FRMPD3: variants seen among roughly 807,000 people sequenced by gnomAD.
FRMPD3 encodes FERM and PDZ domain containing 3, also known as FERM and PDZ domain-containing protein 3.
In FRMPD3, 42 loss-of-function variants were observed where a neutral mutation model predicts 97.9. That is an observed-to-expected ratio of 0.43 (90% confidence interval 0.34 to 0.55). The LOEUF (loss-of-function observed/expected upper bound fraction) is 0.55, where lower values mean the gene tolerates loss of function less well. Among genes scored for constraint, FRMPD3 ranks in the 20% least tolerant of loss-of-function variants. The pLI is 0.03. For synonymous variants in FRMPD3, 577 were observed against 581.1 expected (o/e 0.99, Z 0.10); for missense variants, 1,303 against 1,457.7 (o/e 0.89, Z 1.73).
chrX:107,456,002 A>G (rs1367817634), intron 1 of FRMPD3, among the ~76,000 whole-genome samples: 2 of 111,486 alleles, frequency 1.8e-5, no homozygotes, highest in Admixed American at 1.9e-4. Flanking sequence ...GTCATAGAGA[A>G]ATAGGGCAGG....
At chrX:107,454,297 C>T (rs112414392) in intron 1 of FRMPD3, among the ~76,000 whole-genome samples, 2,014 of 111,363 alleles carry the variant, frequency 0.018, 18 homozygotes, top group Non-Finnish European at 0.029. Flanking sequence ...TGCATGGCTT[C>T]CCTTCTCACC....
chrX:107,578,175 C>T (rs183539733), intron 13 of FRMPD3, among the ~76,000 whole-genome samples: 2 of 111,988 alleles, frequency 1.8e-5, no homozygotes, highest in Non-Finnish European at 3.8e-5. Flanking sequence ...AAGTGAAGAA[C>T]CTGGAGCCCA....
At chrX:107,524,604 TTCTC>T (rs1167515691) in intron 1 of FRMPD3, among the ~76,000 whole-genome samples, 2 of 112,496 alleles carry the variant, frequency 1.8e-5, no homozygotes, top group Admixed American at 9.4e-5. Flanking sequence ...GTCCTAAAGC[TTCTC>T]TCTATTACTG....
At chrX:107,569,494 G>A (rs1368596138) in intron 12 of FRMPD3, among the ~76,000 whole-genome samples, 1 of 109,760 alleles carries the variant, frequency 9.1e-6, no homozygotes, top group Non-Finnish European at 1.9e-5. Context: ...AATTGGGAGA[G>A]CAGGGTTGGG....
At chrX:107,460,944 G>C (rs969637813) in intron 1 of FRMPD3, among the ~76,000 whole-genome samples, 3 of 111,647 alleles carry the variant, frequency 2.7e-5, no homozygotes, top group African/African-American at 9.8e-5. Flanking sequence ...AATATGTAGA[G>C]AAATCACTCA....
intron 12 of FRMPD3, among the ~76,000 whole-genome samples, chrX:107,567,358 A>T (rs1464747609): frequency 5.3e-5 from 6 of 112,157 alleles, no homozygotes; most frequent in Non-Finnish European, 1.1e-4. Flanking sequence ...TAAGTACTCA[A>T]TGAATGAGAC....
At chrX:107,582,433 G>C (rs1485845253) in intron 13 of FRMPD3, among the ~76,000 whole-genome samples, 1 of 111,861 alleles carries the variant, frequency 8.9e-6, no homozygotes, top group East Asian at 2.8e-4. Context: ...TGACCCACCC[G>C]CCTTGACCTC....
At chrX:107,482,729 C>T (rs777307927) in intron 1 of FRMPD3, among the ~76,000 whole-genome samples, 2 of 112,183 alleles carry the variant, frequency 1.8e-5, no homozygotes, top group East Asian at 2.8e-4. Flanking sequence ...AGAGCAGAGT[C>T]ACCAAAGAGT....
chrX:107,510,073 CA>C (rs754282196), intron 1 of FRMPD3, among the ~76,000 whole-genome samples: 14 of 110,949 alleles, frequency 1.3e-4, no homozygotes, highest in Non-Finnish European at 2.5e-4. Context: ...CAGAGAGCCC[CA>C]GCTCTGTGGA....
Position 107,600,489 on chromosome X carries a change from G to C in FRMPD3, c.2450G>C (p.Arg817Pro). The C allele has an allele frequency of 8.3e-7, 1 of 1,210,682 alleles. No individual in the cohort carries two copies. Among genetic ancestry groups the C allele is most frequent in the Non-Finnish European group, 1.1e-6 (1 of 895,302 alleles). ...SLLARKDLPF[R>P]IQSCAAQAVL... is the part of the protein sequence containing the mutation. ...CTTGCCCGCAAGGACCTGCCCTTCC[G>C]GATCCAGAGCTGTGCAGCCCAGGCC... The change falls in exon 15 of 15, where the codon CGG (arginine) becomes CCG (proline). Residue 817 changes from arginine (R) to proline (P), a missense_variant. Physicochemically the swap from Arg to Pro is moderately radical, Grantham distance 103. Coordinates refer to ENST00000683843, the MANE Select transcript of FRMPD3 (RefSeq NM_001388459.1).
intron 2 of FRMPD3, 69 bp from the exon 3 acceptor site, chrX:107,530,340 G>T: frequency 1.2e-6 from 1 of 845,404 alleles, no homozygotes; most frequent in Admixed American, 2.6e-5. Flanking sequence ...AGGCACAGGG[G>T]ACTTGCCCAG....
chrX:107,478,097 G>A (rs976534746), intron 1 of FRMPD3, among the ~76,000 whole-genome samples: 1 of 111,746 alleles, frequency 8.9e-6, no homozygotes, highest in Non-Finnish European at 1.9e-5. Flanking sequence ...CACAGACTAT[G>A]GTTAGAGCTA....
At chrX:107,518,932 C>G (rs1922425519) in intron 1 of FRMPD3, among the ~76,000 whole-genome samples, 1 of 112,253 alleles carries the variant, frequency 8.9e-6, no homozygotes, top group Non-Finnish European at 1.9e-5. Context: ...TATGGATGAA[C>G]CTTGAAGACA....
chrX:107,501,112 T>C (rs1173459389), intron 1 of FRMPD3, among the ~76,000 whole-genome samples: 2 of 110,221 alleles, frequency 1.8e-5, no homozygotes, highest in Non-Finnish European at 3.8e-5. Context: ...AGCATGTGCA[T>C]ATGGGGAGAG....
chrX:107,594,751 C>T (rs1051092757), intron 13 of FRMPD3, among the ~76,000 whole-genome samples: 4 of 111,261 alleles, frequency 3.6e-5, no homozygotes, highest in African/African-American at 1.3e-4. Flanking sequence ...CATGGTGGCA[C>T]ATGCTTATAA....
At chrX:107,552,399 G>T (rs935174291) in intron 6 of FRMPD3, among the ~76,000 whole-genome samples, 2 of 112,276 alleles carry the variant, frequency 1.8e-5, no homozygotes, top group Non-Finnish European at 3.8e-5. Flanking sequence ...ATCCCAAGTG[G>T]ATATTCTGAC....
At chrX:107,480,905 A>AAAGAAAGAAAGAAAGG (rs1921342715) in intron 1 of FRMPD3, among the ~76,000 whole-genome samples, 2 of 84,428 alleles carry the variant, frequency 2.4e-5, no homozygotes, top group African/African-American at 1.0e-4. Context: ...GGAAAGAAAG[A>AAAGAAAGAAAGAAAGG]AAGAAAGAAA....
intron 1 of FRMPD3, among the ~76,000 whole-genome samples, chrX:107,474,618 T>C (rs1000265884): frequency 1.8e-5 from 2 of 111,139 alleles, no homozygotes; most frequent in African/African-American, 6.6e-5. Flanking sequence ...CTCTGAAAAC[T>C]CCCTTTGCCA....
At chrX:107,499,182 G>A (rs992465634) in intron 1 of FRMPD3, among the ~76,000 whole-genome samples, 15 of 111,862 alleles carry the variant, frequency 1.3e-4, no homozygotes, top group Non-Finnish European at 2.4e-4. Context: ...AATTAACTCT[G>A]CCTAAGGAGG....
Sources: gnomAD v4.1 joint callset for allele counts (sites outside exome capture counted in the v4.1 genomes callset) on GRCh38, gnomAD v4.1.1 for gene constraint, MANE v1.5 for transcripts, NCBI Gene and HGNC (gene_info 2026-07-23, HGNC 2026-07-21) for gene names.